The following TXLNB variants were observed in gnomAD, a reference collection of about 807,000 sequenced individuals.
TXLNB encodes the protein taxilin beta, also known as beta-taxilin.
In TXLNB, 37 loss-of-function variants were observed where a neutral mutation model predicts 57.4. The ratio of observed to expected loss-of-function variants is 0.64; its 90% confidence interval spans 0.50 to 0.85. TXLNB has a LOEUF of 0.85. Among genes scored for constraint, TXLNB ranks in the 40% least tolerant of loss-of-function variants. The probability of loss-of-function intolerance (pLI) is 0.00; values close to 1 mark genes in which losing one functional copy is unlikely to be tolerated. For missense variants in TXLNB, 848 were observed against 825.6 expected (o/e 1.03, Z -0.33); for synonymous variants, 302 against 309.6 (o/e 0.98, Z 0.26).
chr6:139,234,813 C>A, the TXLNB span, among the ~76,000 whole-genome samples: 11 of 152,124 alleles, frequency 7.2e-5, no homozygotes, highest in Admixed American at 3.3e-4. Context: ...TCCTCCAGAC[C>A]CCAGAATGGT....
At chr6:139,163,352 C>CTT in the TXLNB span, among the ~76,000 whole-genome samples, 10,165 of 141,292 alleles carry the variant, frequency 0.072, 581 homozygotes, top group African/African-American at 0.15. Flanking sequence ...GTTCTCCATT[C>CTT]TTTTTTTTTT....
the TXLNB span, among the ~76,000 whole-genome samples, chr6:139,217,864 C>CAAAAAAAA: frequency 9.6e-5 from 5 of 51,902 alleles, no homozygotes; most frequent in African/African-American, 1.8e-4. Context: ...GCAAGAGTCT[C>CAAAAAAAA]AAAAAAAAAA....
rs868820361 is a variant in TXLNB at position 139,240,958 on chromosome 6, G to A, written c.*1568C>T. On this transcript the variant is annotated 3_prime_UTR_variant, in exon 10 of 10. Coordinates refer to ENST00000358430, the MANE Select transcript of TXLNB (RefSeq NM_153235.4). ...TCAAGATAGGGTTGGGTTAGACATTGTTTCTTTCTTCCCTTCTCCCTCCTT... is the reference window on the plus strand; with the variant it reads ...TCAAGATAGGGTTGGGTTAGACATTATTTCTTTCTTCCCTTCTCCCTCCTT... 6.6e-6 allele frequency: 1 copy of A among 152,270 alleles called. No homozygotes were observed. The highest frequency in any genetic ancestry group is 2.1e-4 in the South Asian group (1 of 4,830). The allele number at this position is 152,270 out of a possible 1,614,324, so 9.4% of individuals were successfully genotyped here.
At chr6:139,187,585 C>T in the TXLNB span, among the ~76,000 whole-genome samples, 1 of 152,030 alleles carries the variant, frequency 6.6e-6, no homozygotes, top group African/African-American at 2.4e-5. Context: ...ATTGCAATGG[C>T]AAACGTAACT....
the TXLNB span, chr6:139,234,159 T>C: frequency 6.6e-6 from 1 of 152,182 alleles, no homozygotes; most frequent in South Asian, 2.1e-4. Context: ...GGGTAAAGCA[T>C]TCAAGAGGAA....
chr6:139,262,849 A>AG (rs1250902474), intron 4 of TXLNB, 76 bp from the exon 5 acceptor site: 7 of 1,472,448 alleles, frequency 4.8e-6, no homozygotes, highest in Non-Finnish European at 6.5e-6. Context: ...CACCTAAAGG[A>AG]GATAAGTGTG....
intron 7 of TXLNB, among the ~76,000 whole-genome samples, chr6:139,249,044 AAG>A (rs1445245114): frequency 1.3e-5 from 2 of 152,240 alleles, no homozygotes; most frequent in Admixed American, 6.5e-5. Context: ...AGTCTTGAAA[AAG>A]AGATGCCTTT....
At chr6:139,288,031 C>T (rs752333673) in intron 2 of TXLNB, among the ~76,000 whole-genome samples, 39 of 152,206 alleles carry the variant, frequency 2.6e-4, no homozygotes, top group Non-Finnish European at 2.6e-4. Flanking sequence ...AGGATGTGCA[C>T]AGGCCTTGTG....
chr6:139,202,695 A>G, the TXLNB span, among the ~76,000 whole-genome samples: 1 of 152,242 alleles, frequency 6.6e-6, no homozygotes, highest in African/African-American at 2.4e-5. Flanking sequence ...AACATTTATC[A>G]TTTTTTGTGT....
chr6:139,179,672 C>G, the TXLNB span: 1 of 152,260 alleles, frequency 6.6e-6, no homozygotes, highest in Non-Finnish European at 1.5e-5. Context: ...TATTCAACAC[C>G]ATGAAGATAA....
chr6:139,299,218 T>C, the TXLNB span, among the ~76,000 whole-genome samples: 1 of 151,956 alleles, frequency 6.6e-6, no homozygotes, highest in Non-Finnish European at 1.5e-5. Flanking sequence ...TGCACATGGG[T>C]AAGAAAGCCC....
At chr6:139,235,893 A>C (rs1444414858), downstream of TXLNB, among the ~76,000 whole-genome samples, 1 of 152,198 alleles carries the variant, frequency 6.6e-6, no homozygotes, top group Admixed American at 6.5e-5. Flanking sequence ...GCTGGATGTC[A>C]AGAAGAGCAG....
At chr6:139,313,271 A>C in the TXLNB span, among the ~76,000 whole-genome samples, 2 of 151,790 alleles carry the variant, frequency 1.3e-5, no homozygotes, top group African/African-American at 2.4e-5. Flanking sequence ...ACAAGGTTTC[A>C]CTGTGTTAGC....
the TXLNB span, among the ~76,000 whole-genome samples, chr6:139,227,878 CAA>C: frequency 6.6e-6 from 1 of 152,126 alleles, no homozygotes; most frequent in Non-Finnish European, 1.5e-5. Context: ...CACACACAGG[CAA>C]AACAAATGTG....
intron 6 of TXLNB, among the ~76,000 whole-genome samples, chr6:139,257,129 G>GT (rs1197064395): frequency 6.6e-6 from 1 of 152,028 alleles, no homozygotes; most frequent in Non-Finnish European, 1.5e-5. Context: ...TTTTTGTTTG[G>GT]TTTTTATTAT....
At chr6:139,219,713 A>G in the TXLNB span, among the ~76,000 whole-genome samples, 1 of 152,180 alleles carries the variant, frequency 6.6e-6, no homozygotes, top group African/African-American at 2.4e-5. Flanking sequence ...TTTCCTTCTT[A>G]TAACTCTGGG....
the TXLNB span, among the ~76,000 whole-genome samples, chr6:139,297,416 T>A: frequency 2.0e-5 from 3 of 152,204 alleles, no homozygotes; most frequent in Admixed American, 1.3e-4. Flanking sequence ...GGAATACTAG[T>A]AAAGAAATGT....
chr6:139,237,184 A>C (rs1336046849), downstream of TXLNB, among the ~76,000 whole-genome samples: 3 of 151,906 alleles, frequency 2.0e-5, no homozygotes, highest in Non-Finnish European at 4.4e-5. Context: ...ATAGATTTGA[A>C]CTCTTTCACA....
chr6:139,196,376 T>G, the TXLNB span, among the ~76,000 whole-genome samples: 2 of 139,832 alleles, frequency 1.4e-5, 1 homozygote, highest in Admixed American at 1.4e-4. Flanking sequence ...TTTTTTTTTT[T>G]TTTTTTTTTT....
Sources: gnomAD v4.1 joint callset for allele counts (sites outside exome capture counted in the v4.1 genomes callset) on GRCh38, gnomAD v4.1.1 for gene constraint, MANE v1.5 for transcripts, NCBI Gene and HGNC (gene_info 2026-07-23, HGNC 2026-07-21) for gene names.